GYS2: variants seen among roughly 807,000 people sequenced by gnomAD.
GYS2 encodes glycogen synthase 2, also known as glycogen [starch] synthase, liver.
Under a neutral mutation model 85.6 loss-of-function variants are expected in GYS2, and 80 were observed. That is an observed-to-expected ratio of 0.93 (90% CI 0.78 to 1.13). The LOEUF is 1.13. GYS2 is among the 50% of genes most tolerant of loss of function. The pLI is 0.00. For synonymous variants in GYS2, 328 were observed against 300.7 expected (o/e 1.09, Z -0.94); for missense variants, 881 against 854.9 (o/e 1.03, Z -0.38).
At chr12:21,595,212 C>T (rs1944681961) in intron 1 of GYS2, among the ~76,000 whole-genome samples, 1 of 152,170 alleles carries the variant, frequency 6.6e-6, no homozygotes, top group Non-Finnish European at 1.5e-5. Context: ...CATGTGGAGG[C>T]TCGCATTGTG....
rs1591792576 is a variant in GYS2, at chr12:21,563,139, A to G, written c.941+89T>C. ...ATGTACAAAGGGGGCTGGGAAAGAT[A>G]AACATTTATTATTACAATTCTGTTT... On this transcript the variant is annotated intron_variant, in intron 6 of 15. Transcript: ENST00000261195. The G allele has an allele frequency of 6.0e-6, 7 of 1,176,366 alleles. No individual in the cohort carries two copies. In the East Asian group the frequency reaches 1.6e-4, roughly 27 times the overall value. The allele number at this position is 1,176,366 out of a possible 1,614,324, so 72.9% of individuals were successfully genotyped here.
chr12:21,545,898 T>C (rs1944032808), intron 12 of GYS2, among the ~76,000 whole-genome samples: 1 of 152,184 alleles, frequency 6.6e-6, no homozygotes, highest in Non-Finnish European at 1.5e-5. Flanking sequence ...CCATTACATA[T>C]TAAATATGTT....
In GYS2 at chr12:21,591,690, T is replaced by C. The variant is rs1264234689; in HGVS notation, c.122-11167A>G. ...AAAAGCTCTTCTCCACAGCACATTA[T>C]AGTCAAACTGTCAAAAGCCAAAGAG... On this transcript the variant is annotated intron_variant, in intron 1 of 15. Coordinates refer to ENST00000261195, the MANE Select transcript of GYS2 (RefSeq NM_021957.4). Among the ~76,000 whole-genome samples, 3 of 152,128 alleles carry C rather than the reference T, an allele frequency of 2.0e-5. No homozygotes were observed. In the South Asian group the frequency reaches 6.2e-4, roughly 32 times the overall value.
At chr12:21,570,675 C>G (rs1472589167) in intron 4 of GYS2, among the ~76,000 whole-genome samples, 1 of 152,160 alleles carries the variant, frequency 6.6e-6, no homozygotes, top group African/African-American at 2.4e-5. Flanking sequence ...CAGAAAATAG[C>G]AGGACATCTG....
rs1185173666 is a variant in GYS2 at position 21,563,275 on chromosome 12, G to T, written c.894C>A (p.Ala298=). 1 of 1,612,172 alleles carries T rather than the reference G, an allele frequency of 6.2e-7. No individual in the cohort carries two copies. Among genetic ancestry groups the T allele is most frequent in the South Asian group, 1.1e-5 (1 of 91,048 alleles). ...SAVHEFQNLH[A]MYKARIQDFV... ...AATCTTGGATTCTGGCCTTGTACATGGCATGTAGATTTTGAAACTCATGCA... is the reference window on the plus strand; with the variant it reads ...AATCTTGGATTCTGGCCTTGTACATTGCATGTAGATTTTGAAACTCATGCA... The change falls in exon 6 of 16, where the codon GCC becomes GCA. Residue 298 remains alanine, a synonymous_variant. Coordinates refer to ENST00000261195, the MANE Select transcript of GYS2 (RefSeq NM_021957.4).
At chr12:21,556,042 C>T (rs1944175182) in intron 11 of GYS2, among the ~76,000 whole-genome samples, 1 of 152,188 alleles carries the variant, frequency 6.6e-6, no homozygotes, top group South Asian at 2.1e-4. Context: ...TCTCCTACCT[C>T]AATTTCTGAA....
chr12:21,575,877 A>C lies in GYS2; in HGVS notation c.484T>G (p.Phe162Val), dbSNP rs1944439234. 1 of 1,612,822 alleles carries C rather than the reference A, an allele frequency of 6.2e-7. No individual in the cohort carries two copies. The highest frequency in any genetic ancestry group is 2.2e-5 in the East Asian group (1 of 44,850). The part of the protein sequence containing the change: ...MLIFGSLTAW[F>V]LKEVTDHADG... The stretch of plus-strand genomic sequence containing the variant: ...ATAATAAACCATACCTCTTTTAAGA[A>C]CCAGGCAGTTAAAGATCCAAATATC... Residue 162 changes from phenylalanine to valine, a missense_variant, in exon 3 of 16, where the codon TTC becomes GTC. By Grantham distance (50) the Phe-to-Val change is conservative. Coordinates refer to ENST00000261195, the MANE Select transcript of GYS2 (RefSeq NM_021957.4).
intron 7 of GYS2, 121 bp from the exon 8 acceptor site, chr12:21,560,613 TTA>T: frequency 1.5e-6 from 1 of 687,998 alleles, no homozygotes. Flanking sequence ...GTATAGTTAT[TTA>T]TGTTTCACAG....
intron 5 of GYS2, among the ~76,000 whole-genome samples, chr12:21,565,086 A>G (rs938360102): frequency 6.6e-6 from 1 of 152,064 alleles, no homozygotes; most frequent in Non-Finnish European, 1.5e-5. Flanking sequence ...TAAAAAAAAG[A>G]TCTGTGTCCT....
intron 5 of GYS2, among the ~76,000 whole-genome samples, chr12:21,567,326 T>C (rs547620356): frequency 4.6e-5 from 7 of 152,138 alleles, no homozygotes; most frequent in African/African-American, 1.4e-4. Context: ...AAAGAAAGTA[T>C]TTTTGTGAGC....
chr12:21,599,068 T>TTG (rs1555161144), intron 1 of GYS2, among the ~76,000 whole-genome samples: 1 of 26,028 alleles, frequency 3.8e-5, no homozygotes, highest in African/African-American at 7.7e-5. Flanking sequence ...TGCCTCTCTC[T>TTG]CGCTCTCTCT....
At chr12:21,542,639 T>A in intron 12 of GYS2, 48 bp from the exon 13 acceptor site, 1 of 1,218,686 alleles carries the variant, frequency 8.2e-7, no homozygotes, top group Non-Finnish European at 1.2e-6. Context: ...AGCGCCTATA[T>A]CCTTGTATGC....
chr12:21,598,378 G>A (rs181425606), intron 1 of GYS2, among the ~76,000 whole-genome samples: 23 of 152,148 alleles, frequency 1.5e-4, no homozygotes, highest in African/African-American at 4.8e-4. Flanking sequence ...AGGCCTGATT[G>A]TAAGTAAATC....
intron 1 of GYS2, among the ~76,000 whole-genome samples, chr12:21,595,903 CA>C (rs1243244828): frequency 6.6e-6 from 1 of 151,862 alleles, no homozygotes; most frequent in Admixed American, 6.5e-5. Context: ...AGAAAGTCAA[CA>C]AAAAAATAAT....
rs755993426 is a variant in GYS2, at chr12:21,560,404, G to A, written c.1151C>T (p.Ala384Val). Residue 384 changes from alanine (A) to valine (V), a missense_variant, in exon 8 of 16, where the codon GCA becomes GTA. By Grantham distance (64) the Ala-to-Val change is moderately conservative (BLOSUM62 0). Coordinates refer to ENST00000261195, the MANE Select transcript of GYS2 (RefSeq NM_021957.4). ...AGATTACCACAGCTGTTTTCGCACT[G>A]CTTGTCCTTTCAGGGTTTCCACGTT... is the stretch of plus-strand genomic sequence containing the variant. ...NFNVETLKGQ[A>V]VRKQLWDVAH... 1 of 1,598,078 alleles carries A rather than the reference G, an allele frequency of 6.3e-7. No homozygotes were observed. Among genetic ancestry groups the A allele is most frequent in the East Asian group, 2.2e-5 (1 of 44,738 alleles).
At chr12:21,593,742 A>G (rs983297268) in intron 1 of GYS2, among the ~76,000 whole-genome samples, 2 of 152,136 alleles carry the variant, frequency 1.3e-5, no homozygotes, top group African/African-American at 2.4e-5. Flanking sequence ...ACAGGAAGGA[A>G]TTCTCCCTAA....
At chr12:21,533,101 A>G (rs1414683317), downstream of GYS2, among the ~76,000 whole-genome samples, 2 of 152,192 alleles carry the variant, frequency 1.3e-5, no homozygotes, top group Non-Finnish European at 2.9e-5. Flanking sequence ...TTCAACACAC[A>G]GATACATGCA....
intron 1 of GYS2, among the ~76,000 whole-genome samples, chr12:21,601,555 C>T (rs1413516112): frequency 6.6e-6 from 1 of 152,124 alleles, no homozygotes; most frequent in African/African-American, 2.4e-5. Context: ...TCCCCTTTAG[C>T]TATTTATCCT....
downstream of GYS2, among the ~76,000 whole-genome samples, chr12:21,535,307 G>C (rs372479883): frequency 5.0e-4 from 76 of 152,254 alleles, no homozygotes; most frequent in African/African-American, 1.8e-3. Flanking sequence ...GTTTACTGGG[G>C]ATACATTTTC....
Sources: gnomAD v4.1 joint callset for allele counts (sites outside exome capture counted in the v4.1 genomes callset) on GRCh38, gnomAD v4.1.1 for gene constraint, MANE v1.5 for transcripts, NCBI Gene and HGNC (gene_info 2026-07-23, HGNC 2026-07-21) for gene names.